The following DTD1 variants were observed in gnomAD, a reference collection of about 807,000 sequenced individuals.
The protein encoded by DTD1 is D-tyrosyl-tRNA deacylase 1 homolog.
DTD1 carries 13 observed loss-of-function variants against 25.6 expected under a neutral mutation model. The ratio of observed to expected loss-of-function variants is 0.51; its 90% CI spans 0.33 to 0.81. The LOEUF (loss-of-function observed/expected upper bound fraction) is 0.81, where lower values mean the gene tolerates loss of function less well. DTD1 is among the 30% of genes least tolerant of loss of function. The probability of loss-of-function intolerance (pLI) is 0.02; values close to 1 mark genes in which losing one functional copy is unlikely to be tolerated. For synonymous variants in DTD1, 110 were observed against 103.6 expected, an observed-to-expected ratio of 1.06 and a Z score of -0.37; for missense variants, 193 against 266.4, an observed-to-expected ratio of 0.72 and a Z score of 1.92.
chr20:18,702,650 A>G (rs2061110296), intron 4 of DTD1, among the ~76,000 whole-genome samples: 2 of 150,574 alleles, frequency 1.3e-5, no homozygotes, highest in Non-Finnish European at 3.0e-5. Context: ...TGAGGCAGGG[A>G]TACTGAAGAG....
At chr20:18,637,066 A>T (rs890372118) in intron 4 of DTD1, among the ~76,000 whole-genome samples, 3 of 152,220 alleles carry the variant, frequency 2.0e-5, no homozygotes, top group African/African-American at 7.2e-5. Flanking sequence ...AACTACTGGA[A>T]TAGAGAGAAT....
chr20:18,641,493 A>G (rs1449905195), intron 4 of DTD1, among the ~76,000 whole-genome samples: 1 of 151,602 alleles, frequency 6.6e-6, no homozygotes, highest in African/African-American at 2.4e-5. Flanking sequence ...CCACATCCTC[A>G]CCAACATTTG....
At chr20:18,692,450 G>A (rs1220395898) in intron 4 of DTD1, among the ~76,000 whole-genome samples, 2 of 152,216 alleles carry the variant, frequency 1.3e-5, no homozygotes, top group African/African-American at 4.8e-5. Context: ...AGGCTAGGGG[G>A]AGAAGAGGTC....
At chr20:18,612,089 C>CAG (rs2060689281) in intron 3 of DTD1, among the ~76,000 whole-genome samples, 1 of 138,568 alleles carries the variant, frequency 7.2e-6, no homozygotes. Context: ...GGCTGGAGTG[C>CAG]AGTGGCGGGA....
intron 3 of DTD1, among the ~76,000 whole-genome samples, chr20:18,618,905 G>A (rs1235049406): frequency 1.3e-5 from 2 of 151,978 alleles, no homozygotes; most frequent in Non-Finnish European, 2.9e-5. Flanking sequence ...TAGAGATGGG[G>A]TTTCACCATG....
chr20:18,599,835 G>C (rs2060626317), intron 3 of DTD1, among the ~76,000 whole-genome samples: 1 of 152,058 alleles, frequency 6.6e-6, no homozygotes, highest in Non-Finnish European at 1.5e-5. Flanking sequence ...TATCTGTTAA[G>C]GTCTTTGGCC....
At chr20:18,661,048 A>G (rs2060907748) in intron 4 of DTD1, among the ~76,000 whole-genome samples, 1 of 152,112 alleles carries the variant, frequency 6.6e-6, no homozygotes, top group South Asian at 2.1e-4. Context: ...CCTTTGTCAA[A>G]AACTAGTTAG....
intron 4 of DTD1, chr20:18,643,161 C>T (rs1055279264): frequency 5.1e-5 from 9 of 176,628 alleles, no homozygotes; most frequent in Non-Finnish European, 8.6e-5. Flanking sequence ...GTGATCCACC[C>T]GCCTCAGCCT....
chr20:18,658,946 T>C (rs1205396002), intron 4 of DTD1, among the ~76,000 whole-genome samples: 1 of 152,120 alleles, frequency 6.6e-6, no homozygotes, highest in Non-Finnish European at 1.5e-5. Flanking sequence ...GACAGGTCAC[T>C]TACCTCTCTG....
chr20:18,707,969 C>A (rs553548800), intron 4 of DTD1, among the ~76,000 whole-genome samples: 1 of 150,932 alleles, frequency 6.6e-6, no homozygotes, highest in East Asian at 2.0e-4. Context: ...GCCAGTGTTT[C>A]CAACTCTCCA....
chr20:18,699,301 A>G (rs540066080), intron 4 of DTD1, among the ~76,000 whole-genome samples: 7 of 152,228 alleles, frequency 4.6e-5, no homozygotes, highest in African/African-American at 1.4e-4. Context: ...TGTCACCTTG[A>G]GTCTCTGTGC....
chr20:18,641,481 C>G (rs1165319130), intron 4 of DTD1, among the ~76,000 whole-genome samples: 1 of 152,062 alleles, frequency 6.6e-6, no homozygotes, highest in Non-Finnish European at 1.5e-5. Flanking sequence ...GTTCTGATTT[C>G]CCCACATCCT....
In DTD1 at chr20:18,598,801, G is replaced by A. The variant is rs1047381692; in HGVS notation, c.370+2560G>A. Among the ~76,000 whole-genome samples the A allele has an allele frequency of 5.9e-5, 9 of 151,556 alleles. No homozygotes were observed. The South Asian group carries it at 6.2e-4, about 11-fold the overall frequency. ...TGGGATTACAGGTGTGAGCCACCGC[G>A]CCCGGCCAGTAATGGTAATTTTTAG... On this transcript the variant is annotated intron_variant, in intron 3 of 5. Transcript: ENST00000377452.
intron 3 of DTD1, among the ~76,000 whole-genome samples, chr20:18,609,483 C>G (rs2122273659): frequency 6.6e-6 from 1 of 151,976 alleles, no homozygotes. Flanking sequence ...TTCCTATGCT[C>G]TAACTTTCTC....
intron 4 of DTD1, among the ~76,000 whole-genome samples, chr20:18,729,704 A>G (rs1010270608): frequency 3.9e-5 from 6 of 152,234 alleles, no homozygotes; most frequent in Non-Finnish European, 8.8e-5. Context: ...AGTATCTGTA[A>G]TACACATGTG....
intron 3 of DTD1, among the ~76,000 whole-genome samples, chr20:18,622,350 G>T (rs572223999): frequency 5.3e-5 from 8 of 152,050 alleles, no homozygotes; most frequent in African/African-American, 1.7e-4. Context: ...TACTTCCTAG[G>T]GGGTGAGGAA....
At position 18,624,497 on chromosome 20, in the gene DTD1, C is replaced by T. The variant is rs73112657; in HGVS notation, c.371-3630C>T. Among the ~76,000 whole-genome samples the T allele has an allele frequency of 9.6e-3, 1,469 of 152,290 alleles. 9 individuals are homozygous for T. Among genetic ancestry groups the T allele is most frequent in the Middle Eastern group, 0.024 (7 of 294 alleles). ...GACATCATGAGCTCAGAAGCCACCT[C>T]CCCTGCTGTTCTTTGTGGAAGGGTG... On this transcript the variant is annotated intron_variant, in intron 3 of 5. Coordinates refer to ENST00000377452, the MANE Select transcript of DTD1 (RefSeq NM_080820.6).
chr20:18,598,174 T>C (rs375250033), intron 3 of DTD1, among the ~76,000 whole-genome samples: 13 of 148,884 alleles, frequency 8.7e-5, no homozygotes, highest in East Asian at 4.1e-4. Context: ...CAGGTCCCGG[T>C]GTGTCCATGT....
intron 4 of DTD1, among the ~76,000 whole-genome samples, chr20:18,689,383 T>G (rs2061032806): frequency 2.0e-5 from 3 of 152,196 alleles, no homozygotes; most frequent in African/African-American, 4.8e-5. Flanking sequence ...TTTCATAGAA[T>G]CACCTATAGA....
Sources: allele counts gnomAD v4.1 joint callset (sites outside exome capture counted in the v4.1 genomes callset), GRCh38; gene constraint gnomAD v4.1.1; transcripts MANE v1.5; gene names NCBI Gene and HGNC (gene_info 2026-07-23, HGNC 2026-07-21).